The following AKAP6 variants were observed in gnomAD, a reference collection of about 807,000 sequenced individuals.
AKAP6 encodes A-kinase anchor protein 6.
In AKAP6, 58 loss-of-function variants were observed where a neutral mutation model predicts 188.5. The ratio of observed to expected loss-of-function variants is 0.31; its 90% CI spans 0.25 to 0.38. The LOEUF is 0.38. Among genes scored for constraint, AKAP6 ranks in the 10% least tolerant of loss-of-function variants. AKAP6 has a pLI of 1.00. For synonymous variants in AKAP6, 989 were observed against 998.6 expected (o/e 0.99, Z 0.18); for missense variants, 2,710 against 2,740.0 (o/e 0.99, Z 0.24).
chr14:32,378,803 CAT>C (rs1294044172), intron 1 of AKAP6, among the ~76,000 whole-genome samples: 2 of 152,118 alleles, frequency 1.3e-5, no homozygotes, highest in Non-Finnish European at 2.9e-5. Context: ...CTCTCACAGA[CAT>C]CTCATCTATG....
chr14:32,823,328 C>G lies in AKAP6; in HGVS notation c.5515C>G (p.Pro1839Ala), dbSNP rs745389246. ...KDISSSEMTN[P>A]SDTLNIETLL... ...TATAAGTAGCAGTGAGATGACCAAT[C>G]CCTCTGATACTCTGAATATTGAGAC... is the stretch of plus-strand genomic sequence containing the variant. The change falls in exon 13 of 14, where the codon CCC becomes GCC. Residue 1839 changes from proline (P) to alanine (A), a missense_variant. Physicochemically the swap from Pro to Ala is conservative, Grantham distance 27. This residue lies in a region of AKAP6 where 2,473 missense variants were observed against 2,426.1 expected (regional missense o/e 1.02). Transcript: ENST00000280979. 1 of 1,613,818 alleles carries G rather than the reference C, an allele frequency of 6.2e-7. No individual in the cohort carries two copies. The highest frequency in any genetic ancestry group is 8.5e-7 in the Non-Finnish European group (1 of 1,179,908).
intron 7 of AKAP6, among the ~76,000 whole-genome samples, chr14:32,658,992 C>T (rs1218781564): frequency 6.6e-6 from 1 of 152,032 alleles, no homozygotes; most frequent in Non-Finnish European, 1.5e-5. Flanking sequence ...CCTTTGCTAA[C>T]TAGAAGCACC....
intron 4 of AKAP6, among the ~76,000 whole-genome samples, chr14:32,569,401 C>T (rs1416535323): frequency 2.0e-5 from 3 of 152,172 alleles, no homozygotes; most frequent in African/African-American, 4.8e-5. Context: ...AAAGCATACA[C>T]GATCTTTCCT....
intron 11 of AKAP6, among the ~76,000 whole-genome samples, chr14:32,759,170 A>C (rs2032452243): frequency 6.6e-6 from 1 of 152,198 alleles, no homozygotes; most frequent in Non-Finnish European, 1.5e-5. Context: ...CCCAAGTTAT[A>C]CCCTCTACAT....
intron 12 of AKAP6, among the ~76,000 whole-genome samples, chr14:32,799,655 A>G (rs1566720249): frequency 6.6e-6 from 1 of 152,048 alleles, no homozygotes; most frequent in Non-Finnish European, 1.5e-5. Context: ...GTTTAATTTC[A>G]TTATGGTCGG....
intron 1 of AKAP6, among the ~76,000 whole-genome samples, chr14:32,426,797 A>T (rs1205760375): frequency 6.6e-6 from 1 of 152,170 alleles, no homozygotes; most frequent in Non-Finnish European, 1.5e-5. Flanking sequence ...AGGCATGATG[A>T]CTATCTGAGT....
rs771014636 is a variant in AKAP6, at chr14:32,545,873, G to T, written c.1220G>T (p.Gly407Val). The part of the protein sequence containing the change: ...KEETFKNDLK[G>V]NGGKRQMVDL... ...GAAACTTTTAAGAATGATCTGAAAG[G>T]CAATGGTGGAAAGAGGCAAATGGTT... Residue 407 changes from glycine (G) to valine (V), a missense_variant, in exon 4 of 14, where the codon GGC becomes GTC. By Grantham distance (109) the Gly-to-Val change is moderately radical. Transcript: ENST00000280979. 3.7e-6 allele frequency: 6 copies of T among 1,614,050 alleles called. No homozygotes were observed. The African/African-American group carries it at 4.0e-5, about 11-fold the overall frequency.
intron 1 of AKAP6, among the ~76,000 whole-genome samples, chr14:32,355,220 C>A (rs1220332826): frequency 1.3e-5 from 2 of 151,790 alleles, no homozygotes; most frequent in South Asian, 4.2e-4. Flanking sequence ...TAAAGGGAAA[C>A]ATTTCAATAC....
chr14:32,470,688 T>C (rs1878729853), intron 2 of AKAP6, among the ~76,000 whole-genome samples: 1 of 152,178 alleles, frequency 6.6e-6, no homozygotes, highest in Admixed American at 6.5e-5. Context: ...GAACAGACAA[T>C]AGAGGTAGGC....
chr14:32,713,358 G>A (rs573907544), intron 9 of AKAP6, among the ~76,000 whole-genome samples: 21 of 152,040 alleles, frequency 1.4e-4, no homozygotes, highest in Non-Finnish European at 2.6e-4. Flanking sequence ...TCAACTCAAC[G>A]TCATCAACAG....
chr14:32,556,094 T>C (rs2383342), intron 4 of AKAP6, among the ~76,000 whole-genome samples: 7,142 of 152,098 alleles, frequency 0.047, 551 homozygotes, highest in African/African-American at 0.16. Context: ...TTTCCCCACA[T>C]CCTTGCCAAT....
intron 7 of AKAP6, among the ~76,000 whole-genome samples, chr14:32,608,309 G>A (rs1339622358): frequency 6.6e-6 from 1 of 151,608 alleles, no homozygotes; most frequent in Non-Finnish European, 1.5e-5. Context: ...GACAAGCCTG[G>A]CCAATATGGT....
chr14:32,373,680 A>C (rs1888077923), intron 1 of AKAP6: 1 of 152,204 alleles, frequency 6.6e-6, no homozygotes, highest in African/African-American at 2.4e-5. Context: ...TTTCTCCCGA[A>C]GTTAGTTCAG....
chr14:32,651,863 A>G (rs974238366), intron 7 of AKAP6, among the ~76,000 whole-genome samples: 1 of 152,198 alleles, frequency 6.6e-6, no homozygotes, highest in African/African-American at 2.4e-5. Context: ...ATTATTAACA[A>G]TAAATCATTG....
At chr14:32,392,396 T>C (rs1888742225) in intron 1 of AKAP6, among the ~76,000 whole-genome samples, 1 of 152,138 alleles carries the variant, frequency 6.6e-6, no homozygotes, top group African/African-American at 2.4e-5. Context: ...GAGGTGTGAA[T>C]ATGAACTCAT....
At chr14:32,521,587 A>G (rs1464089201) in intron 2 of AKAP6, among the ~76,000 whole-genome samples, 1 of 152,220 alleles carries the variant, frequency 6.6e-6, no homozygotes, top group Admixed American at 6.5e-5. Flanking sequence ...CCCACTGACA[A>G]TTGCTTCAAA....
At chr14:32,389,036 G>A (rs1888622424) in intron 1 of AKAP6, among the ~76,000 whole-genome samples, 1 of 152,110 alleles carries the variant, frequency 6.6e-6, no homozygotes, top group African/African-American at 2.4e-5. Flanking sequence ...GGGAGCTCCA[G>A]TGTTAGGTGT....
intron 8 of AKAP6, among the ~76,000 whole-genome samples, chr14:32,683,020 G>A (rs1299249675): frequency 2.1e-5 from 2 of 93,028 alleles, no homozygotes; most frequent in Admixed American, 1.1e-4. Flanking sequence ...TTGAGACAAA[G>A]CCTTGCTCTG....
intron 11 of AKAP6, among the ~76,000 whole-genome samples, chr14:32,744,073 T>C (rs565178341): frequency 9.2e-5 from 14 of 152,270 alleles, no homozygotes; most frequent in African/African-American, 3.1e-4. Flanking sequence ...TAAAAAGTTT[T>C]TTTCCTTCAA....
Sources: allele counts gnomAD v4.1 joint callset (sites outside exome capture counted in the v4.1 genomes callset), GRCh38; gene constraint gnomAD v4.1.1; regional missense constraint gnomAD v4.1.1; transcripts MANE v1.5; gene names NCBI Gene and HGNC (gene_info 2026-07-23, HGNC 2026-07-21).